The following CDH13 variants were observed in gnomAD, a reference collection of about 807,000 sequenced individuals.
CDH13 encodes the protein cadherin-13.
Under a neutral mutation model 63.8 loss-of-function variants are expected in CDH13, and 24 were observed. The observed-to-expected ratio is 0.38, with a 90% confidence interval of 0.27 to 0.53. The LOEUF is 0.53. Among genes scored for constraint, CDH13 ranks in the 20% least tolerant of loss-of-function variants. The pLI, the probability that CDH13 is intolerant of heterozygous loss-of-function variation, is 0.85. For missense variants in CDH13, 1,049 were observed against 903.1 expected (o/e 1.16, Z -2.07); for synonymous variants, 503 against 355.3 (o/e 1.42, Z -4.67).
At chr16:83,158,293 C>T (rs1415667665) in intron 4 of CDH13, among the ~76,000 whole-genome samples, 1 of 152,198 alleles carries the variant, frequency 6.6e-6, no homozygotes, top group Non-Finnish European at 1.5e-5. Context: ...TGCTCCCTCC[C>T]CACCCCTGCT....
At chr16:83,242,442 T>G (rs896073659) in intron 5 of CDH13, among the ~76,000 whole-genome samples, 8 of 152,210 alleles carry the variant, frequency 5.3e-5, no homozygotes, top group Admixed American at 5.2e-4. Context: ...AAAGATTTTT[T>G]CCCCAAATTG....
chr16:83,081,544 G>A (rs1454980576), intron 3 of CDH13, among the ~76,000 whole-genome samples: 1 of 152,178 alleles, frequency 6.6e-6, no homozygotes, highest in Admixed American at 6.5e-5. Flanking sequence ...CCAGTGACTG[G>A]GTAGTATAGA....
chr16:83,100,821 G>C (rs1567829322), intron 3 of CDH13, among the ~76,000 whole-genome samples: 2 of 152,106 alleles, frequency 1.3e-5, no homozygotes, highest in African/African-American at 2.4e-5. Flanking sequence ...CAGAACACAG[G>C]GTAAATTTCA....
At chr16:82,740,490 G>A (rs1024452815) in intron 1 of CDH13, among the ~76,000 whole-genome samples, 2 of 152,116 alleles carry the variant, frequency 1.3e-5, no homozygotes, top group Middle Eastern at 3.2e-3. Context: ...TCGGTTAGCC[G>A]TTCCTATAAT....
At chr16:82,904,539 C>T (rs1567647789) in intron 2 of CDH13, among the ~76,000 whole-genome samples, 1 of 152,124 alleles carries the variant, frequency 6.6e-6, no homozygotes, top group Non-Finnish European at 1.5e-5. Context: ...CTGTTTCTGC[C>T]ATTACTTTTG....
chr16:83,266,483 T>C (rs1597622501), intron 5 of CDH13, among the ~76,000 whole-genome samples: 1 of 152,200 alleles, frequency 6.6e-6, no homozygotes, highest in African/African-American at 2.4e-5. Flanking sequence ...AACATCTGTG[T>C]CCAAGTCAGT....
chr16:83,752,167 C>A (rs1450042499), intron 11 of CDH13, among the ~76,000 whole-genome samples: 1 of 152,216 alleles, frequency 6.6e-6, no homozygotes, highest in African/African-American at 2.4e-5. Context: ...GGAGAAATTT[C>A]TCAGCAAAGA....
At chr16:83,227,455 G>T (rs2039874986) in intron 5 of CDH13, among the ~76,000 whole-genome samples, 1 of 152,142 alleles carries the variant, frequency 6.6e-6, no homozygotes, top group Admixed American at 6.5e-5. Context: ...CTGAGTTCCT[G>T]TGGAGCAGGT....
intron 6 of CDH13, among the ~76,000 whole-genome samples, chr16:83,447,686 A>G (rs1199067111): frequency 1.3e-5 from 2 of 151,922 alleles, no homozygotes; most frequent in Non-Finnish European, 2.9e-5. Context: ...ACAAAAGGGT[A>G]ATGGAGGCTG....
chr16:82,678,768 C>G (rs1914218553), intron 1 of CDH13, among the ~76,000 whole-genome samples: 3 of 152,170 alleles, frequency 2.0e-5, no homozygotes, highest in African/African-American at 7.2e-5. Flanking sequence ...CCACTTTGTT[C>G]CTGAAAAAGT....
chr16:83,790,051 T>G (rs1370656656), intron 13 of CDH13: 1 of 151,658 alleles, frequency 6.6e-6, no homozygotes, highest in Non-Finnish European at 1.5e-5. Flanking sequence ...CCAAGTAGAC[T>G]GGCAGCAACC....
intron 6 of CDH13, among the ~76,000 whole-genome samples, chr16:83,408,887 G>C (rs2092086433): frequency 6.6e-6 from 1 of 152,200 alleles, no homozygotes; most frequent in South Asian, 2.1e-4. Context: ...GAGACAGAGG[G>C]ATGCAGAGAC....
At chr16:83,009,722 G>A (rs1391896437) in intron 2 of CDH13, among the ~76,000 whole-genome samples, 1 of 152,232 alleles carries the variant, frequency 6.6e-6, no homozygotes, top group East Asian at 1.9e-4. Flanking sequence ...ACTGAGTCAT[G>A]TAGCTGTACA....
chr16:83,394,732 T>A (rs930209872), intron 6 of CDH13, among the ~76,000 whole-genome samples: 1 of 152,150 alleles, frequency 6.6e-6, no homozygotes, highest in Non-Finnish European at 1.5e-5. Context: ...GTGGGACAGT[T>A]ACATAGGTGG....
chr16:82,799,326 A>G (rs1022210580), intron 1 of CDH13, among the ~76,000 whole-genome samples: 2 of 152,232 alleles, frequency 1.3e-5, no homozygotes, highest in Non-Finnish European at 2.9e-5. Flanking sequence ...AGCCCAAATT[A>G]AGAGCTTGGC....
chr16:82,642,502 T>A (rs971703598), intron 1 of CDH13, among the ~76,000 whole-genome samples: 2 of 152,222 alleles, frequency 1.3e-5, no homozygotes, highest in Non-Finnish European at 2.9e-5. Context: ...CTCTCTCTCT[T>A]TGGTGGGAGA....
intron 2 of CDH13, among the ~76,000 whole-genome samples, chr16:83,006,192 C>G (rs1193294537): frequency 6.6e-6 from 1 of 152,122 alleles, no homozygotes; most frequent in African/African-American, 2.4e-5. Context: ...TCAATCACAT[C>G]ACTTTAATAC....
At chr16:83,222,888 TG>T (rs1351275238) in intron 5 of CDH13, among the ~76,000 whole-genome samples, 1 of 152,112 alleles carries the variant, frequency 6.6e-6, no homozygotes, top group African/African-American at 2.4e-5. Flanking sequence ...GTGGCACTAT[TG>T]AAATTTGAGG....
At chr16:83,493,005 T>TTTG (rs10635735) in intron 7 of CDH13, among the ~76,000 whole-genome samples, 4,792 of 152,200 alleles carry the variant, frequency 0.031, 96 homozygotes, top group Non-Finnish European at 0.042. Flanking sequence ...ACCTGTGTTT[T>TTTG]TTGTTGTTGT....
Sources: gnomAD v4.1 joint callset for allele counts (sites outside exome capture counted in the v4.1 genomes callset) on GRCh38, gnomAD v4.1.1 for gene constraint, MANE v1.5 for transcripts, NCBI Gene and HGNC (gene_info 2026-07-23, HGNC 2026-07-21) for gene names.